DMD: variants seen among roughly 807,000 people sequenced by gnomAD.
DMD encodes the protein dystrophin, also known as mutant dystrophin.
In DMD, 63 loss-of-function variants were observed where a neutral mutation model predicts 330.1. That is an observed-to-expected ratio of 0.19 (90% CI 0.16 to 0.24). The LOEUF is 0.24. Ranked by LOEUF, DMD falls within the 10% of genes least tolerant of loss-of-function variation. The pLI, the probability that DMD is intolerant of heterozygous loss-of-function variation, is 1.00. For missense variants in DMD, 3,344 were observed against 2,684.1 expected (o/e 1.25, Z -5.43); for synonymous variants, 1,223 against 959.8 (o/e 1.27, Z -5.07).
intron 43 of DMD, among the ~76,000 whole-genome samples, chrX:32,265,683 T>G (rs763656240): frequency 8.9e-5 from 10 of 112,671 alleles, no homozygotes; most frequent in Non-Finnish European, 1.1e-4. Context: ...GTGACCTGGA[T>G]GTGAGACACA....
chrX:31,794,258 G>C (rs1253271121), intron 50 of DMD, among the ~76,000 whole-genome samples: 7 of 110,860 alleles, frequency 6.3e-5, no homozygotes, highest in African/African-American at 2.3e-4. Context: ...CAAAATTCAG[G>C]ACCCAATAGT....
intron 9 of DMD, among the ~76,000 whole-genome samples, chrX:32,694,950 C>T (rs757964680): frequency 8.0e-5 from 9 of 111,950 alleles, no homozygotes; most frequent in African/African-American, 1.6e-4. Flanking sequence ...CCACCACGCC[C>T]GGCCTTACCA....
intron 7 of DMD, among the ~76,000 whole-genome samples, chrX:32,729,793 C>A (rs1603291623): frequency 8.9e-6 from 1 of 111,803 alleles, no homozygotes; most frequent in Admixed American, 9.6e-5. Flanking sequence ...TTTTGACTTT[C>A]CTATCAAAGT....
chrX:32,145,141 A>G (rs2096772787), intron 44 of DMD, among the ~76,000 whole-genome samples: 2 of 112,413 alleles, frequency 1.8e-5, no homozygotes, highest in Admixed American at 9.4e-5. Context: ...CTAAAACAAC[A>G]TGATGGAAAC....
At chrX:31,350,250 C>T (rs143133774) in intron 60 of DMD, among the ~76,000 whole-genome samples, 1,582 of 111,232 alleles carry the variant, frequency 0.014, 27 homozygotes, top group African/African-American at 0.049. Flanking sequence ...CTCCTTCTCT[C>T]GGCAATGCTC....
chrX:31,558,393 C>G (rs2074981846), intron 55 of DMD, among the ~76,000 whole-genome samples: 1 of 110,922 alleles, frequency 9.0e-6, no homozygotes, highest in African/African-American at 3.3e-5. Flanking sequence ...GCGTGCAGAT[C>G]CCTTGGGGAT....
chrX:31,121,991 C>CTGTT (rs1226585705), intron 78 of DMD, 61 bp from the exon 79 acceptor site: 10 of 895,722 alleles, frequency 1.1e-5, no homozygotes, highest in Non-Finnish European at 1.6e-5. Context: ...TAGCATCACT[C>CTGTT]TGTTTCTTTG....
chrX:32,541,813 GA>G (rs34215981), intron 17 of DMD, among the ~76,000 whole-genome samples: 48,505 of 104,494 alleles, frequency 0.46, 8,634 homozygotes, highest in East Asian at 0.59. Context: ...TAAAAGTTGG[GA>G]AAAAAAAAAA....
Position 32,767,313 on chromosome X carries a change from A to G in DMD, c.649+42180T>C, listed in dbSNP as rs143314612. Among the ~76,000 whole-genome samples the G allele has an allele frequency of 7.2e-5, 8 of 111,063 alleles. No individual in the cohort carries two copies. The East Asian group carries it at 2.3e-3, about 32-fold the overall frequency. On this transcript the variant is annotated intron_variant, in intron 7 of 78. Transcript: ENST00000357033. ...AGTTTTTACAAAATTTTCCTATGCT[A>G]TTTCCTTTATATTTTCTTTAGTCCA... is the stretch of plus-strand genomic sequence containing the variant.
intron 47 of DMD, among the ~76,000 whole-genome samples, chrX:31,928,436 C>T (rs1409197165): frequency 2.7e-5 from 3 of 110,802 alleles, no homozygotes; most frequent in African/African-American, 9.8e-5. Flanking sequence ...AAAACCCCAT[C>T]TCTACTAAAA....
intron 60 of DMD, among the ~76,000 whole-genome samples, chrX:31,403,776 T>A (rs2061295617): frequency 8.9e-6 from 1 of 111,791 alleles, no homozygotes; most frequent in Non-Finnish European, 1.9e-5. Flanking sequence ...ACTGCCTATG[T>A]TCATTGCCTA....
At chrX:32,611,589 A>T (rs1298951000) in intron 12 of DMD, among the ~76,000 whole-genome samples, 1 of 111,856 alleles carries the variant, frequency 8.9e-6, no homozygotes, top group African/African-American at 3.2e-5. Flanking sequence ...GAATATTAAG[A>T]TCCTGGATAG....
At chrX:32,352,373 A>G (rs1031373470) in intron 37 of DMD, among the ~76,000 whole-genome samples, 3 of 111,204 alleles carry the variant, frequency 2.7e-5, no homozygotes, top group Non-Finnish European at 3.8e-5. Context: ...TTGCCATAGT[A>G]AAAAACAAAA....
intron 51 of DMD, among the ~76,000 whole-genome samples, chrX:31,730,121 G>A (rs779284364): frequency 4.5e-5 from 5 of 111,627 alleles, no homozygotes; most frequent in South Asian, 3.7e-4. Context: ...TCTGTGTGAC[G>A]TCAAAATTAA....
intron 60 of DMD, among the ~76,000 whole-genome samples, chrX:31,418,550 T>A (rs1246822933): frequency 1.8e-5 from 2 of 111,880 alleles, no homozygotes; most frequent in Non-Finnish European, 3.8e-5. Flanking sequence ...TCCCCTATCA[T>A]CAGGGAAGGT....
intron 2 of DMD, among the ~76,000 whole-genome samples, chrX:32,992,979 T>A (rs2093020346): frequency 9.0e-6 from 1 of 111,367 alleles, no homozygotes; most frequent in African/African-American, 3.3e-5. Context: ...CAGTGAATTT[T>A]ACTAAAATCA....
In DMD at chrX:32,521,437, C is replaced by T. The variant is rs1222717739; in HGVS notation, c.2169-3306G>A. Reference sequence around the variant, plus strand: ...AATTTTTTCTTTGCAGGTCCATCCTCCTCCACCCTATCATTATGTACTAGA... The same window carrying T: ...AATTTTTTCTTTGCAGGTCCATCCTTCTCCACCCTATCATTATGTACTAGA... On this transcript the variant is annotated intron_variant, in intron 17 of 78. Transcript: ENST00000357033. Among the ~76,000 whole-genome samples the T allele has an allele frequency of 3.6e-5, 4 of 110,232 alleles. No individual in the cohort carries two copies. In the East Asian group the frequency reaches 1.1e-3, roughly 32 times the overall value.
intron 55 of DMD, among the ~76,000 whole-genome samples, chrX:31,559,512 G>A (rs1331824365): frequency 1.6e-4 from 14 of 89,049 alleles, no homozygotes; most frequent in Non-Finnish European, 2.5e-4. Flanking sequence ...ATGGTGGCGC[G>A]CGCCTGTAGT....
At chrX:33,161,535 C>T (rs757051638) in intron 1 of DMD, among the ~76,000 whole-genome samples, 203 of 111,277 alleles carry the variant, frequency 1.8e-3, no homozygotes, top group Non-Finnish European at 3.3e-3. Flanking sequence ...ACAACACAAC[C>T]AAATTTACGT....
Sources: gnomAD v4.1 joint callset for allele counts (sites outside exome capture counted in the v4.1 genomes callset) on GRCh38, gnomAD v4.1.1 for gene constraint, MANE v1.5 for transcripts, NCBI Gene and HGNC (gene_info 2026-07-23, HGNC 2026-07-21) for gene names.